LSM14A: variants seen among roughly 807,000 people sequenced by gnomAD.
The protein encoded by LSM14A is LSM14A mRNA processing body assembly factor.
LSM14A carries 14 observed loss-of-function variants against 52.4 expected under a neutral mutation model. That is an observed-to-expected ratio of 0.27 (90% confidence interval 0.18 to 0.42). The LOEUF is 0.42. Among genes scored for constraint, LSM14A ranks in the 10% least tolerant of loss-of-function variants. The pLI, the probability that LSM14A is intolerant of heterozygous loss-of-function variation, is 1.00. For missense variants in LSM14A, 417 were observed against 581.8 expected, an observed-to-expected ratio of 0.72 and a Z score of 2.91; for synonymous variants, 185 against 200.3, an observed-to-expected ratio of 0.92 and a Z score of 0.64.
chr19:34,221,113 G>A (rs1026366158), intron 8 of LSM14A, among the ~76,000 whole-genome samples: 2 of 133,890 alleles, frequency 1.5e-5, no homozygotes, highest in African/African-American at 2.8e-5. Flanking sequence ...ATGGAGTTTC[G>A]CTCTTGTCAC....
intron 1 of LSM14A, among the ~76,000 whole-genome samples, chr19:34,193,650 A>G (rs1002715768): frequency 9.2e-5 from 14 of 152,282 alleles, no homozygotes; most frequent in East Asian, 3.9e-4. Flanking sequence ...GGGTATTTCA[A>G]GCTGTCCCAT....
intron 9 of LSM14A, chr19:34,226,511 G>A (rs1599729140): frequency 6.9e-7 from 1 of 1,445,524 alleles, no homozygotes; most frequent in East Asian, 2.5e-5. Flanking sequence ...GGCTTTGTGG[G>A]GGACAGCAGG....
chr19:34,217,703 C>T (rs1029788171), intron 6 of LSM14A, among the ~76,000 whole-genome samples: 1 of 133,962 alleles, frequency 7.5e-6, no homozygotes, highest in Non-Finnish European at 1.5e-5. Flanking sequence ...GATCTCAGCT[C>T]ACTGCAACCT....
intron 4 of LSM14A, among the ~76,000 whole-genome samples, chr19:34,211,728 G>A (rs2072169237): frequency 1.3e-5 from 2 of 151,950 alleles, no homozygotes; most frequent in Admixed American, 1.3e-4. Flanking sequence ...GGCCGAGGCT[G>A]CAGTGAGCCC....
chr19:34,226,390 T>C (rs965209791), intron 9 of LSM14A: 23 of 1,493,350 alleles, frequency 1.5e-5, no homozygotes, highest in Non-Finnish European at 1.9e-5. Flanking sequence ...TTTTTTTTTT[T>C]TTTTTTTTAC....
chr19:34,194,368 A>G lies in LSM14A; in HGVS notation c.122-110A>G, dbSNP rs79248659. The G allele has an allele frequency of 8.7e-4, 876 of 1,012,580 alleles. 3 individuals are homozygous for G. In the African/African-American group the frequency reaches 0.013, roughly 15 times the overall value. The allele number at this position is 1,012,580 out of a possible 1,614,324, so 62.7% of individuals were successfully genotyped here. A position where few individuals can be genotyped will look rare whatever the true frequency, so the allele number is the denominator to read the frequency against. On this transcript the variant is annotated intron_variant, in intron 1 of 9. Transcript: ENST00000544216. ...GCTATAGATTAATGAATACTTTCTC[A>G]GACATTTCAGAACTACTGCTTAGTA...
chr19:34,188,115 T>A (rs1392375404), intron 1 of LSM14A, among the ~76,000 whole-genome samples: 1 of 151,960 alleles, frequency 6.6e-6, no homozygotes. Context: ...GGCGAAATCC[T>A]ATCTCTACAA....
chr19:34,224,034 CTG>C (rs1002410777), intron 9 of LSM14A, among the ~76,000 whole-genome samples: 11 of 152,240 alleles, frequency 7.2e-5, no homozygotes, highest in South Asian at 2.1e-4. Context: ...GATGTTCTAA[CTG>C]TTACAATCTC....
In LSM14A at chr19:34,172,514, G is replaced by A; in HGVS notation, c.-129G>A. On this transcript the variant is annotated 5_prime_UTR_variant, in exon 1 of 10. Transcript: ENST00000544216. ...AGGCTGGGGGAGGGTAGCGGAGCCG[G>A]CGCCGCCGCCATGTTGGGTCTGAAG... is the stretch of plus-strand genomic sequence containing the variant. The A allele has an allele frequency of 9.2e-7, 1 of 1,086,948 alleles. No homozygotes were observed. Among genetic ancestry groups the A allele is most frequent in the Admixed American group, 4.4e-5 (1 of 22,522 alleles). 67.3% of individuals were successfully genotyped at this position (1,086,948 alleles called of 1,614,324 possible).
intron 3 of LSM14A, among the ~76,000 whole-genome samples, chr19:34,206,596 GC>G (rs1335178869): frequency 6.6e-6 from 1 of 152,000 alleles, no homozygotes; most frequent in Non-Finnish European, 1.5e-5. Context: ...AATCGCTTGA[GC>G]CCAGGAGGCG....
chr19:34,226,375 CTTTTTTTTTTTTT>C lies in LSM14A; in HGVS notation c.1369-979_1369-967del, dbSNP rs528137318. On this transcript the variant is annotated intron_variant, in intron 9 of 9. Transcript: ENST00000544216. ...CCCTCTCCTGTCCCCATCTCTTTCT[CTTTTTTTTTTTTT>C]TTTTTTTTTTACCTTTCAGAAAACC... The C allele has an allele frequency of 1.1e-5, 13 of 1,195,978 alleles. No homozygotes were observed. In the East Asian group the frequency reaches 2.7e-4, roughly 25 times the overall value. The allele number at this position is 1,195,978 out of a possible 1,614,324, so 74.1% of individuals were successfully genotyped here. A position where few individuals can be genotyped will look rare whatever the true frequency, so the allele number is the denominator to read the frequency against.
intron 1 of LSM14A, among the ~76,000 whole-genome samples, chr19:34,182,743 C>T (rs1167557868): frequency 6.7e-6 from 1 of 149,358 alleles, no homozygotes. Context: ...CTTAGGGAGG[C>T]TGAGGCAGGA....
chr19:34,201,584 G>T (rs1019044882), intron 3 of LSM14A, among the ~76,000 whole-genome samples: 6 of 151,952 alleles, frequency 3.9e-5, no homozygotes, highest in Non-Finnish European at 8.8e-5. Context: ...CTCTTGATCC[G>T]CCCGCCTCAG....
intron 1 of LSM14A, among the ~76,000 whole-genome samples, chr19:34,177,215 T>C (rs1251147117): frequency 6.6e-6 from 1 of 152,240 alleles, no homozygotes; most frequent in African/African-American, 2.4e-5. Context: ...CAGAAGTTCT[T>C]CATTTTAATG....
chr19:34,221,356 ACAGGCGTGAGCCATCACGCCT>A (rs2073051132), intron 8 of LSM14A, 130 bp from the exon 9 acceptor site: 23 of 870,360 alleles, frequency 2.6e-5, no homozygotes, highest in Middle Eastern at 7.4e-4. Context: ...TGCTGGGATT[ACAGGCGTGAGCCATCACGCCT>A]AGCCAAGATG....
intron 4 of LSM14A, 138 bp downstream of exon 4, chr19:34,209,189 C>G (rs573852159): frequency 3.3e-6 from 2 of 610,636 alleles, no homozygotes; most frequent in Non-Finnish European, 5.4e-6. Flanking sequence ...TTCTCCAAAT[C>G]GCTGTATTGC....
intron 1 of LSM14A, among the ~76,000 whole-genome samples, chr19:34,175,800 G>A (rs1278111887): frequency 3.3e-5 from 5 of 152,172 alleles, no homozygotes; most frequent in East Asian, 3.9e-4. Flanking sequence ...AAATTTGAAC[G>A]AAGAATGGTA....
chr19:34,198,444 T>C (rs1236655476), intron 3 of LSM14A, among the ~76,000 whole-genome samples: 2 of 151,356 alleles, frequency 1.3e-5, no homozygotes, highest in Non-Finnish European at 2.9e-5. Flanking sequence ...AGAAACCCCA[T>C]CTCTACTAAA....
chr19:34,228,066 T>C lies in LSM14A; in HGVS notation c.*678T>C, dbSNP rs2073435550. Reference sequence around the variant, plus strand: ...TAGCTGTATAAAAAGCAACTAATTTTTTAAAGAATAAACATTTTAAAGTCA... The same window carrying C: ...TAGCTGTATAAAAAGCAACTAATTTCTTAAAGAATAAACATTTTAAAGTCA... On this transcript the variant is annotated 3_prime_UTR_variant, in exon 10 of 10. Transcript: ENST00000544216. 1 of 152,640 alleles carries C rather than the reference T, an allele frequency of 6.6e-6. No homozygotes were observed. Among genetic ancestry groups the C allele is most frequent in the African/African-American group, 2.4e-5 (1 of 41,456 alleles). 9.5% of individuals were successfully genotyped at this position (152,640 alleles called of 1,614,324 possible). A position where few individuals can be genotyped will look rare whatever the true frequency, so the allele number is the denominator to read the frequency against.
Sources: gnomAD v4.1 joint callset for allele counts (sites outside exome capture counted in the v4.1 genomes callset) on GRCh38, gnomAD v4.1.1 for gene constraint, MANE v1.5 for transcripts, NCBI Gene and HGNC (gene_info 2026-07-23, HGNC 2026-07-21) for gene names.